KNCN: variants seen among roughly 807,000 people sequenced by gnomAD.
KNCN encodes the protein kinocilin.
Under a neutral mutation model 10.4 loss-of-function variants are expected in KNCN, and 11 were observed. That is an observed-to-expected ratio of 1.06 (90% confidence interval 0.67 to 1.75). The LOEUF is 1.75. Ranked by LOEUF, KNCN falls within the 40% of genes most tolerant of loss-of-function variation. KNCN has a pLI of 0.00. For synonymous variants in KNCN, 67 were observed against 71.6 expected, an observed-to-expected ratio of 0.94 and a Z score of 0.33; for missense variants, 172 against 167.1, an observed-to-expected ratio of 1.03 and a Z score of -0.16.
At chr1:46,547,855 C>T in intron 3 of KNCN, 46 bp from the exon 4 acceptor site, 1 of 1,367,552 alleles carries the variant, frequency 7.3e-7, no homozygotes, top group East Asian at 2.5e-5. Flanking sequence ...AGACAGGTCC[C>T]CATGGAGTTG....
chr1:46,551,189 G>C lies in KNCN; in HGVS notation c.27C>G (p.Asp9Glu), dbSNP rs745562626. Reference sequence around the variant, plus strand: ...CGCAGGCCAGCTGCAGGCCGCGGAAGTCTCTGCTGCTGATGGGGATGTCCA... The same window carrying C: ...CGCAGGCCAGCTGCAGGCCGCGGAACTCTCTGCTGCTGATGGGGATGTCCA... Reference protein sequence around the residue: MDIPISSRDFRGLQLACVA... With the variant: MDIPISSREFRGLQLACVA... The change falls in exon 1 of 4, where the codon GAC (aspartate) becomes GAG (glutamate). Residue 9 changes from aspartate to glutamate, a missense_variant. Asp to Glu is a conservative substitution (Grantham distance 45). Transcript: ENST00000481882. The surrounding 1 kb of genome is among the most constrained non-coding windows in gnomAD (Gnocchi z 4.0). 6.2e-7 allele frequency: 1 copy of C among 1,610,180 alleles called. No individual in the cohort carries two copies. The highest frequency in any genetic ancestry group is 8.5e-7 in the Non-Finnish European group (1 of 1,178,314).
intron 3 of KNCN, 138 bp downstream of exon 3, chr1:46,549,055 T>C (rs1667007715): frequency 1.6e-6 from 1 of 616,086 alleles, no homozygotes; most frequent in African/African-American, 1.9e-5. Context: ...GCAGGAGAAT[T>C]GCTTGAAACC....
In KNCN at chr1:46,551,239, T is replaced by A; in HGVS notation, c.-24A>T. 1 of 1,595,866 alleles carries A rather than the reference T, an allele frequency of 6.3e-7. No individual in the cohort carries two copies. The highest frequency in any genetic ancestry group is 8.5e-7 in the Non-Finnish European group (1 of 1,173,298). On this transcript the variant is annotated 5_prime_UTR_variant, in exon 1 of 4. Coordinates refer to ENST00000481882, the MANE Select transcript of KNCN (RefSeq NM_001322255.2). This position sits in a 1 kb window ranked among gnomAD's most constrained non-coding sequence, Gnocchi z 4.0. ...ATGCAGGCCCACCCGGGGCACTGCC[T>A]CCAGCCGGTGCAGTCTGGCCCCAGA...
chr1:46,549,735 C>A, intron 2 of KNCN, 199 bp downstream of exon 2: 1 of 963,272 alleles, frequency 1.0e-6, no homozygotes, highest in Admixed American at 2.5e-5. Context: ...GGCACCTTTG[C>A]TGCAGGCTGG....
At chr1:46,549,492 C>G (rs1004317543) in intron 2 of KNCN, among the ~76,000 whole-genome samples, 3 of 151,990 alleles carry the variant, frequency 2.0e-5, no homozygotes, top group African/African-American at 7.3e-5. Flanking sequence ...AGGTGAGGTC[C>G]CGGGGAGAAC....
chr1:46,550,143 AGTGTGTAAATGTGAGCCTGTGG>A lies in KNCN; in HGVS notation c.152-163_152-142del, dbSNP rs1347273146. ...CACAGTGTGCAGACTTGGGACTGTGAGTGTGTAAATGTGAGCCTGTGGGTGTGTGCATCTGGGTTGGTGGGGG... is the reference window on the plus strand; with the variant it reads ...CACAGTGTGCAGACTTGGGACTGTGAGTGTGTGCATCTGGGTTGGTGGGGG... On this transcript the variant is annotated intron_variant, in intron 1 of 3. Transcript: ENST00000481882. 2.1e-5 allele frequency: 31 copies of A among 1,475,748 alleles called. 1 individual carries two copies. The African/African-American group carries it at 2.2e-4, about 11-fold the overall frequency. 91.4% of individuals were successfully genotyped at this position (1,475,748 alleles called of 1,614,324 possible).
rs528568982 is a variant in KNCN, at chr1:46,545,766, G to C, written c.*1964C>G. The C allele has an allele frequency of 2.6e-5, 4 of 152,392 alleles. No individual in the cohort carries two copies. Among genetic ancestry groups the C allele is most frequent in the South Asian group, 2.1e-4 (1 of 4,816 alleles). The allele number at this position is 152,392 out of a possible 1,614,324, so 9.4% of individuals were successfully genotyped here. ...CATGGCTGAGAGGGGTTGATGGGCAGGGGGGAGGGAACCACACTCTCCACA... is the reference window on the plus strand; with the variant it reads ...CATGGCTGAGAGGGGTTGATGGGCACGGGGGAGGGAACCACACTCTCCACA... On this transcript the variant is annotated 3_prime_UTR_variant, in exon 4 of 4. Coordinates refer to ENST00000481882, the MANE Select transcript of KNCN (RefSeq NM_001322255.2).
rs1426988745 is a variant in KNCN, at chr1:46,547,634, G to T, written c.*96C>A. ...CTCTGGGGTCTGCAGGGCCTGGCTT[G>T]TCTCCGGTCCGGGTCTCCTAACCCA... On this transcript the variant is annotated 3_prime_UTR_variant, in exon 4 of 4. Transcript: ENST00000481882. 3 of 966,054 alleles carry T rather than the reference G, an allele frequency of 3.1e-6. No individual in the cohort carries two copies. The highest frequency in any genetic ancestry group is 3.2e-5 in the African/African-American group (2 of 61,836). The allele number at this position is 966,054 out of a possible 1,614,324, so 59.8% of individuals were successfully genotyped here. A position where few individuals can be genotyped will look rare whatever the true frequency, so the allele number is the denominator to read the frequency against.
In KNCN at chr1:46,550,082, G is replaced by A; in HGVS notation, c.152-80C>T. The A allele has an allele frequency of 3.2e-6, 5 of 1,548,580 alleles. No individual in the cohort carries two copies. In the South Asian group the frequency reaches 6.0e-5, roughly 18 times the overall value. ...GCTGTGGGTGGGCTGGGAGCCTGAGGGGTGGTTTGTGAGATATGGGTGTGC... is the reference window on the plus strand; with the variant it reads ...GCTGTGGGTGGGCTGGGAGCCTGAGAGGTGGTTTGTGAGATATGGGTGTGC... On this transcript the variant is annotated intron_variant, in intron 1 of 3. Transcript: ENST00000481882.
At position 46,551,289 on chromosome 1, in the gene KNCN, T is replaced by C. The variant is rs947645537; in HGVS notation, c.-74A>G. The C allele has an allele frequency of 1.5e-5, 23 of 1,519,454 alleles. No individual in the cohort carries two copies. The highest frequency in any genetic ancestry group is 1.8e-6 in the Non-Finnish European group (2 of 1,129,446). 94.1% of individuals were successfully genotyped at this position (1,519,454 alleles called of 1,614,324 possible). On this transcript the variant is annotated 5_prime_UTR_variant, in exon 1 of 4. Transcript: ENST00000481882. The surrounding 1 kb of genome is among the most constrained non-coding windows in gnomAD (Gnocchi z 4.0). Reference sequence around the variant, plus strand: ...AAAAGTCCTGGAAGTTTCTGGGCTCTTGGATGTCTCCTTGTTGGCGCTCCA... The same window carrying C: ...AAAAGTCCTGGAAGTTTCTGGGCTCCTGGATGTCTCCTTGTTGGCGCTCCA...
chr1:46,550,731 C>T (rs560304819), intron 1 of KNCN, among the ~76,000 whole-genome samples: 19 of 152,286 alleles, frequency 1.2e-4, no homozygotes, highest in African/African-American at 4.6e-4. Context: ...TTACCTGCCG[C>T]CATCAACCCC....
chr1:46,550,193 G>A (rs1206162937), intron 1 of KNCN, among the ~76,000 whole-genome samples, 191 bp from the exon 2 acceptor site: 1 of 152,162 alleles, frequency 6.6e-6, no homozygotes, highest in Non-Finnish European at 1.5e-5. Context: ...GGTGGGGGCA[G>A]TGCCTGTTTG....
intron 3 of KNCN, among the ~76,000 whole-genome samples, chr1:46,548,145 C>T (rs1666986844): frequency 1.3e-5 from 2 of 152,110 alleles, no homozygotes; most frequent in Admixed American, 6.5e-5. Flanking sequence ...CTCGGTTGCC[C>T]CTTATGTAAA....
chr1:46,545,682 T>G lies in KNCN; in HGVS notation c.*2048A>C, dbSNP rs750945239. 1.3e-5 allele frequency: 2 copies of G among 152,308 alleles called. No individual in the cohort carries two copies. Among genetic ancestry groups the G allele is most frequent in the Non-Finnish European group, 1.5e-5 (1 of 68,114 alleles). 9.4% of individuals were successfully genotyped at this position (152,308 alleles called of 1,614,324 possible). A position where few individuals can be genotyped will look rare whatever the true frequency, so the allele number is the denominator to read the frequency against. ...GATTTATTCCACCTGGTCCCCAGCA[T>G]CTCTCTCTGCCTGGCCCTGCCAGGC... On this transcript the variant is annotated 3_prime_UTR_variant, in exon 4 of 4. Coordinates refer to ENST00000481882, the MANE Select transcript of KNCN (RefSeq NM_001322255.2).
rs1321446060 is a variant in KNCN, at chr1:46,546,075, A to G, written c.*1655T>C. On this transcript the variant is annotated 3_prime_UTR_variant, in exon 4 of 4. Transcript: ENST00000481882. Reference sequence around the variant, plus strand: ...AGCATTTGTGGAAGGCAGCCCCTTCATGGAGGTCTGTCGCACTGTTGTCAG... The same window carrying G: ...AGCATTTGTGGAAGGCAGCCCCTTCGTGGAGGTCTGTCGCACTGTTGTCAG... 2.6e-5 allele frequency: 4 copies of G among 152,378 alleles called. No homozygotes were observed. The East Asian group carries it at 7.7e-4, about 29-fold the overall frequency. The allele number at this position is 152,378 out of a possible 1,614,324, so 9.4% of individuals were successfully genotyped here.
At position 46,551,057 on chromosome 1, in the gene KNCN, C is replaced by G. The variant is rs1447816577; in HGVS notation, c.151+8G>C. The G allele has an allele frequency of 6.3e-7, 1 of 1,578,234 alleles. No individual in the cohort carries two copies. The highest frequency in any genetic ancestry group is 1.4e-5 in the African/African-American group (1 of 73,068). On this transcript the variant is annotated splice_region_variant and intron_variant, in intron 1 of 3. Coordinates refer to ENST00000481882, the MANE Select transcript of KNCN (RefSeq NM_001322255.2). This position sits in a 1 kb window ranked among gnomAD's most constrained non-coding sequence, Gnocchi z 4.0. ...TCCCTTCCCTATCCCAGCCCAGCCC[C>G]TGCTCACCCAGAACAGCAGCGCCAA... is the stretch of plus-strand genomic sequence containing the variant.
chr1:46,547,115 A>T lies in KNCN; in HGVS notation c.*615T>A. The T allele has an allele frequency of 3.2e-6, 1 of 314,468 alleles. No homozygotes were observed. Among genetic ancestry groups the T allele is most frequent in the Non-Finnish European group, 6.2e-6 (1 of 160,368 alleles). The allele number at this position is 314,468 out of a possible 1,614,324, so 19.5% of individuals were successfully genotyped here. On this transcript the variant is annotated 3_prime_UTR_variant, in exon 4 of 4. Coordinates refer to ENST00000481882, the MANE Select transcript of KNCN (RefSeq NM_001322255.2). Reference sequence around the variant, plus strand: ...AGTTGCCTCCTCTGACCCCCAGGCGAAGTTGTTTGTACCTGTCCCTTTGTG... The same window carrying T: ...AGTTGCCTCCTCTGACCCCCAGGCGTAGTTGTTTGTACCTGTCCCTTTGTG...
chr1:46,549,683 A>G, intron 2 of KNCN: 1 of 607,252 alleles, frequency 1.6e-6, no homozygotes, highest in East Asian at 2.8e-5. Context: ...GAGTCATAAA[A>G]TCTCTCAAGG....
intron 1 of KNCN, among the ~76,000 whole-genome samples, 169 bp downstream of exon 1, chr1:46,550,896 T>C (rs566176624): frequency 1.4e-4 from 21 of 152,140 alleles, no homozygotes; most frequent in Admixed American, 1.2e-3. Flanking sequence ...AGCGCGTCGC[T>C]CCTCTCCCGC....
Sources: gnomAD v4.1 joint callset for allele counts (sites outside exome capture counted in the v4.1 genomes callset) on GRCh38, gnomAD v4.1.1 for gene constraint, Gnocchi (gnomAD v3.1) non-coding constraint, MANE v1.5 for transcripts, NCBI Gene and HGNC (gene_info 2026-07-23, HGNC 2026-07-21) for gene names.